SSH1: variants seen among roughly 807,000 people sequenced by gnomAD.
SSH1 encodes the protein protein phosphatase Slingshot homolog 1.
Under a neutral mutation model 79.7 loss-of-function variants are expected in SSH1, and 43 were observed. The observed-to-expected ratio is 0.54, with a 90% CI of 0.42 to 0.70. The LOEUF (loss-of-function observed/expected upper bound fraction) is 0.70. Among genes scored for constraint, SSH1 ranks in the 30% least tolerant of loss-of-function variants. The pLI is 0.00. For synonymous variants in SSH1, 599 were observed against 538.3 expected (o/e 1.11, Z -1.56); for missense variants, 1,206 against 1,358.8 (o/e 0.89, Z 1.77).
In SSH1 at chr12:108,780,093, G is replaced by A. The variant is rs1291291909; in HGVS notation, c.*7895C>T. 1 of 152,270 alleles carries A rather than the reference G, an allele frequency of 6.6e-6. No homozygotes were observed. The highest frequency in any genetic ancestry group is 2.4e-5 in the African/African-American group (1 of 41,448). 9.4% of individuals were successfully genotyped at this position (152,270 alleles called of 1,614,324 possible). A position where few individuals can be genotyped will look rare whatever the true frequency, so the allele number is the denominator to read the frequency against. ...GATAAACATAACCTGGTTTTAGGAGGCAAGGATGCGTGGGTGGGTGGTGTT... is the reference window on the plus strand; with the variant it reads ...GATAAACATAACCTGGTTTTAGGAGACAAGGATGCGTGGGTGGGTGGTGTT... On this transcript the variant is annotated 3_prime_UTR_variant, in exon 15 of 15. Coordinates refer to ENST00000326495, the MANE Select transcript of SSH1 (RefSeq NM_018984.4).
At chr12:108,791,849 A>G in intron 14 of SSH1, 1 of 970,260 alleles carries the variant, frequency 1.0e-6, no homozygotes, top group African/African-American at 1.7e-5. Flanking sequence ...TGGTTCCAGG[A>G]TCATCAGGGG....
In SSH1 at chr12:108,800,784, C is replaced by A. The variant is rs2137033373; in HGVS notation, c.1144G>T (p.Ala382Ser). The stretch of plus-strand genomic sequence containing the variant: ...CCCGCCTCTCTGTCCACTTACTTCG[C>A]TTTGTTTATAAAATGATACGCTTCA... ...WNEAYHFINK[A>S]KRNHSKCLVH... The change falls in exon 12 of 15, where the codon GCG becomes TCG. Residue 382 changes from alanine (A) to serine (S), a missense_variant. This residue lies in a region of SSH1 where 166 missense variants were observed against 262.9 expected (regional missense o/e 0.63). Coordinates refer to ENST00000326495, the MANE Select transcript of SSH1 (RefSeq NM_018984.4). 6.2e-7 allele frequency: 1 copy of A among 1,613,722 alleles called. No homozygotes were observed. The highest frequency in any genetic ancestry group is 8.5e-7 in the Non-Finnish European group (1 of 1,179,850).
intron 2 of SSH1, chr12:108,837,153 A>G: frequency 3.1e-6 from 1 of 325,138 alleles, no homozygotes; most frequent in Non-Finnish European, 6.4e-6. Flanking sequence ...AATCGCTTGA[A>G]CCCGGGAGGT....
At chr12:108,825,058 T>G (rs1033704599) in intron 2 of SSH1, among the ~76,000 whole-genome samples, 40 of 152,188 alleles carry the variant, frequency 2.6e-4, no homozygotes, top group Non-Finnish European at 4.9e-4. Flanking sequence ...AAAACACTAC[T>G]ATATAATTTA....
chr12:108,817,527 A>T (rs1008943722), intron 4 of SSH1: 12 of 344,818 alleles, frequency 3.5e-5, no homozygotes, highest in African/African-American at 8.6e-5. Context: ...GTGAGCTGAG[A>T]TCATGCCACC....
chr12:108,835,049 G>A (rs571820479), intron 2 of SSH1, among the ~76,000 whole-genome samples: 27 of 152,134 alleles, frequency 1.8e-4, no homozygotes, highest in Non-Finnish European at 3.5e-4. Context: ...CCTGACAACT[G>A]AGTGCTTCAA....
At chr12:108,832,577 T>TAA (rs2038500458) in intron 2 of SSH1, among the ~76,000 whole-genome samples, 1 of 152,144 alleles carries the variant, frequency 6.6e-6, no homozygotes, top group Non-Finnish European at 1.5e-5. Context: ...AAAGTGAAGT[T>TAA]GATAAAGATG....
Position 108,800,916 on chromosome 12 carries a change from T to C in SSH1, c.1012A>G (p.Ile338Val). 1.2e-6 allele frequency: 2 copies of C among 1,613,790 alleles called. No homozygotes were observed. The highest frequency in any genetic ancestry group is 1.7e-6 in the Non-Finnish European group (2 of 1,179,870). The change falls in exon 12 of 15, where the codon ATT becomes GTT. Residue 338 changes from isoleucine (I) to valine (V), a missense_variant. Coordinates refer to ENST00000326495, the MANE Select transcript of SSH1 (RefSeq NM_018984.4). ...EELQGSGVDY[I>V]LNVTREIDNF... ...TCGATTTCTCTGGTAACATTTAAAATGTAATCAACCCTGCAATGAGAAAAA... is the reference window on the plus strand; with the variant it reads ...TCGATTTCTCTGGTAACATTTAAAACGTAATCAACCCTGCAATGAGAAAAA...
chr12:108,789,348 C>A, intron 14 of SSH1, 104 bp from the exon 15 acceptor site: 2 of 1,227,420 alleles, frequency 1.6e-6, no homozygotes, highest in Middle Eastern at 2.1e-4. Flanking sequence ...GGACTGGGGG[C>A]CAGGCCTGGA....
intron 7 of SSH1, among the ~76,000 whole-genome samples, chr12:108,809,075 C>T (rs1020369730): frequency 6.6e-6 from 1 of 151,242 alleles, no homozygotes; most frequent in Non-Finnish European, 1.5e-5. Context: ...CTCAGGTCAT[C>T]CACCCACCGT....
rs59988458 is a variant in SSH1, at chr12:108,819,538, G to A, written c.215-1225C>T. Among the ~76,000 whole-genome samples the A allele has an allele frequency of 7.9e-3, 1,205 of 152,286 alleles. 20 individuals are homozygous for A. Among genetic ancestry groups the A allele is most frequent in the African/African-American group, 0.027 (1,138 of 41,552 alleles). ...TGAAGAAAGGGTCATCTGTAGAGATGCTAATATCAGCCTGGTGTGGTGGCT... is the reference window on the plus strand; with the variant it reads ...TGAAGAAAGGGTCATCTGTAGAGATACTAATATCAGCCTGGTGTGGTGGCT... On this transcript the variant is annotated intron_variant, in intron 3 of 14. Transcript: ENST00000326495.
intron 14 of SSH1, 46 bp from the exon 15 acceptor site, chr12:108,789,290 G>A (rs373641055): frequency 1.3e-6 from 2 of 1,557,042 alleles, no homozygotes; most frequent in Non-Finnish European, 1.7e-6. Context: ...GCAGTCATGA[G>A]CCAAAGACCA....
At chr12:108,796,458 C>A in intron 13 of SSH1, among the ~76,000 whole-genome samples, 1 of 152,168 alleles carries the variant, frequency 6.6e-6, no homozygotes, top group East Asian at 1.9e-4. Context: ...TAGTTCTTTT[C>A]GTGATTTGCT....
rs763604605 is a variant in SSH1, at chr12:108,795,834, G to A, written c.1350-3005C>T. On this transcript the variant is annotated intron_variant, in intron 13 of 14. Coordinates refer to ENST00000326495, the MANE Select transcript of SSH1 (RefSeq NM_018984.4). ...ACCCTGCAATCCGGCCTGGGTGACA[G>A]AGTGAGACCCTGTCTCAAAAAAATA... Among the ~76,000 whole-genome samples the A allele has an allele frequency of 4.4e-4, 67 of 152,262 alleles. 1 individual carries two copies. Among genetic ancestry groups the A allele is most frequent in the Non-Finnish European group, 8.2e-4 (56 of 67,996 alleles).
At position 108,792,480 on chromosome 12, in the gene SSH1, C is replaced by T; in HGVS notation, c.1699G>A (p.Asp567Asn). 1.2e-6 allele frequency: 2 copies of T among 1,614,236 alleles called. No homozygotes were observed. Among genetic ancestry groups the T allele is most frequent in the South Asian group, 1.1e-5 (1 of 91,088 alleles). Residue 567 changes from aspartate (D) to asparagine (N), a missense_variant, in exon 14 of 15, where the codon GAT (aspartate) becomes AAT (asparagine). Asp to Asn is a conservative substitution (Grantham distance 23). Around this residue, in one of 5 missense-constraint regions of SSH1, gnomAD observed 709 missense variants for 730.6 expected, o/e 0.97. Coordinates refer to ENST00000326495, the MANE Select transcript of SSH1 (RefSeq NM_018984.4). The stretch of plus-strand genomic sequence containing the variant: ...CCAAACTCTAGTTTCTTCTTCACAT[C>T]CTTCTCACAGAGTCCGGAACCTTGC... ...PQQGSGLCEKDVKKKLEFGSP... is the reference protein window; with the variant it reads ...PQQGSGLCEKNVKKKLEFGSP...
intron 6 of SSH1, 92 bp from the exon 7 acceptor site, chr12:108,809,850 G>GCAGGTTTGGTTTGTT: frequency 1.9e-6 from 2 of 1,065,984 alleles, no homozygotes; most frequent in African/African-American, 1.6e-5. Context: ...AAACCACTGC[G>GCAGGTTTGGTTTGTT]CACGCTGGGA....
At chr12:108,806,029 TC>T (rs1370200069) in intron 9 of SSH1, among the ~76,000 whole-genome samples, 1 of 151,734 alleles carries the variant, frequency 6.6e-6, no homozygotes. Context: ...CATGGACTTC[TC>T]CCCAAAGGCC....
chr12:108,853,203 T>C (rs190089427), intron 1 of SSH1: 2 of 985,020 alleles, frequency 2.0e-6, no homozygotes, highest in African/African-American at 1.8e-5. Context: ...TTGATGGTTC[T>C]CGAAAAGACT....
chr12:108,832,836 C>T (rs1392184931), intron 2 of SSH1, among the ~76,000 whole-genome samples: 2 of 152,170 alleles, frequency 1.3e-5, no homozygotes, highest in African/African-American at 4.8e-5. Flanking sequence ...TTTAGGGACA[C>T]ACCTGTCAAC....
Sources: allele counts gnomAD v4.1 joint callset (sites outside exome capture counted in the v4.1 genomes callset), GRCh38; gene constraint gnomAD v4.1.1; regional missense constraint gnomAD v4.1.1; transcripts MANE v1.5; gene names NCBI Gene and HGNC (gene_info 2026-07-23, HGNC 2026-07-21).